The following PALS1 variants were observed in gnomAD, a reference collection of about 807,000 sequenced individuals.
PALS1 encodes protein associated with LIN7 1, MAGUK p55 family member.
PALS1 carries 31 observed loss-of-function variants against 78.9 expected under a neutral mutation model. The ratio of observed to expected loss-of-function variants is 0.39; its 90% CI spans 0.30 to 0.53. PALS1 has a LOEUF of 0.53. PALS1 is among the 20% of genes least tolerant of loss of function. The pLI, the probability that PALS1 is intolerant of heterozygous loss-of-function variation, is 0.67. For missense variants in PALS1, 704 were observed against 826.5 expected (o/e 0.85, Z 1.82); for synonymous variants, 276 against 270.9 (o/e 1.02, Z -0.18).
At chr14:67,309,177 G>C (rs1312756805) in intron 8 of PALS1, among the ~76,000 whole-genome samples, 1 of 152,082 alleles carries the variant, frequency 6.6e-6, no homozygotes, top group Non-Finnish European at 1.5e-5. Context: ...TTTCCTATGA[G>C]GGTCAGCTTA....
chr14:67,280,248 A>ACCAGTTC, intron 3 of PALS1, among the ~76,000 whole-genome samples: 1 of 152,218 alleles, frequency 6.6e-6, no homozygotes, highest in African/African-American at 2.4e-5. Context: ...AACTTAGAAT[A>ACCAGTTC]TTTAATCATT....
intron 4 of PALS1, among the ~76,000 whole-genome samples, chr14:67,299,396 T>A (rs1358625196): frequency 2.0e-5 from 3 of 152,212 alleles, no homozygotes; most frequent in Non-Finnish European, 4.4e-5. Flanking sequence ...TCCATTCTTT[T>A]ACTTCCTTCC....
intron 1 of PALS1, among the ~76,000 whole-genome samples, chr14:67,246,658 T>G (rs1567496903): frequency 6.7e-6 from 1 of 148,264 alleles, no homozygotes; most frequent in African/African-American, 2.5e-5. Flanking sequence ...GGTTTTTTTT[T>G]TTTTTTTTTT....
intron 2 of PALS1, among the ~76,000 whole-genome samples, chr14:67,274,204 A>G (rs905353253): frequency 1.2e-4 from 19 of 152,164 alleles, no homozygotes; most frequent in Admixed American, 1.1e-3. Flanking sequence ...GCCCATGCCT[A>G]TGTCCTGAAT....
intron 2 of PALS1, among the ~76,000 whole-genome samples, chr14:67,278,499 C>G (rs1041047122): frequency 6.6e-6 from 1 of 152,118 alleles, no homozygotes; most frequent in Non-Finnish European, 1.5e-5. Context: ...GATGAATTAT[C>G]CCCCAGAATA....
chr14:67,257,303 T>C (rs1426582240), intron 1 of PALS1, among the ~76,000 whole-genome samples: 1 of 152,168 alleles, frequency 6.6e-6, no homozygotes, highest in Non-Finnish European at 1.5e-5. Flanking sequence ...GACTGAGTTC[T>C]GTCTGTCCTT....
chr14:67,321,294 A>G, intron 13 of PALS1, 35 bp downstream of exon 13: 1 of 1,600,440 alleles, frequency 6.2e-7, no homozygotes, highest in Non-Finnish European at 8.6e-7. Context: ...GTTTGAACTT[A>G]GAAGGAATGT....
At chr14:67,330,552 G>A (rs773042032) in intron 14 of PALS1, among the ~76,000 whole-genome samples, 5 of 148,802 alleles carry the variant, frequency 3.4e-5, no homozygotes, top group Non-Finnish European at 7.4e-5. Context: ...TCTGCCTCCC[G>A]GGTTCAAGCA....
chr14:67,295,414 C>T (rs754961283), intron 4 of PALS1, among the ~76,000 whole-genome samples: 39 of 150,492 alleles, frequency 2.6e-4, no homozygotes, highest in Non-Finnish European at 4.1e-4. Flanking sequence ...CACTTAAACC[C>T]GGGAGGCAAA....
intron 1 of PALS1, among the ~76,000 whole-genome samples, chr14:67,263,501 C>T (rs531237662): frequency 1.3e-5 from 2 of 152,272 alleles, no homozygotes; most frequent in Admixed American, 6.5e-5. Flanking sequence ...TAGGAAGGTA[C>T]CCTTCGAAAC....
chr14:67,298,963 A>G (rs944319333), intron 4 of PALS1, among the ~76,000 whole-genome samples: 1 of 152,208 alleles, frequency 6.6e-6, no homozygotes, highest in East Asian at 1.9e-4. Context: ...TTTGCTTAGT[A>G]TAATGTTTTT....
intron 1 of PALS1, among the ~76,000 whole-genome samples, chr14:67,263,991 G>A (rs1416324108): frequency 6.6e-6 from 1 of 152,042 alleles, no homozygotes; most frequent in Admixed American, 6.5e-5. Context: ...GTGAACTCCT[G>A]GGCTTAAGTG....
intron 14 of PALS1, 88 bp from the exon 15 acceptor site, chr14:67,332,692 G>A (rs2085468290): frequency 3.0e-6 from 4 of 1,321,296 alleles, no homozygotes; most frequent in Non-Finnish European, 2.1e-6. Context: ...TATGAAGGTC[G>A]CTCCTTGTTC....
chr14:67,321,133 A>G lies in PALS1; in HGVS notation c.1614A>G (p.Ala538=), dbSNP rs199686965. Reference sequence around the variant, plus strand: ...TTGTTTCGCGGCAAGCATTCGAGGCAGACATAGCAGCTGGAAAGTTCATTG... The same window carrying G: ...TTGTTTCGCGGCAAGCATTCGAGGCGGACATAGCAGCTGGAAAGTTCATTG... ...YHFVSRQAFE[A]DIAAGKFIEH... The change falls in exon 13 of 15, where the codon GCA becomes GCG. Residue 538 remains alanine, a synonymous_variant. Coordinates refer to ENST00000261681, the MANE Select transcript of PALS1 (RefSeq NM_022474.4). 13 of 1,614,112 alleles carry G rather than the reference A, an allele frequency of 8.1e-6. No homozygotes were observed. The highest frequency in any genetic ancestry group is 1.0e-5 in the Non-Finnish European group (12 of 1,180,052).
At chr14:67,287,901 T>C (rs1293633985) in intron 3 of PALS1, among the ~76,000 whole-genome samples, 3 of 152,168 alleles carry the variant, frequency 2.0e-5, no homozygotes, top group Admixed American at 2.0e-4. Flanking sequence ...CTTTGGTACA[T>C]AGGAGAGATT....
intron 13 of PALS1, among the ~76,000 whole-genome samples, chr14:67,322,766 A>AC (rs58467397): frequency 0.15 from 23,545 of 152,180 alleles, 3,434 homozygotes; most frequent in East Asian, 0.42. Flanking sequence ...TTAACAAAGA[A>AC]CTCAGCATAT....
At position 67,334,851 on chromosome 14, in the gene PALS1, T is replaced by G. The variant is rs542910977; in HGVS notation, c.*1895T>G. 6.6e-6 allele frequency: 1 copy of G among 152,248 alleles called. No individual in the cohort carries two copies. The highest frequency in any genetic ancestry group is 1.5e-5 in the Non-Finnish European group (1 of 68,032). 9.4% of individuals were successfully genotyped at this position (152,248 alleles called of 1,614,324 possible). A position where few individuals can be genotyped will look rare whatever the true frequency, so the allele number is the denominator to read the frequency against. On this transcript the variant is annotated 3_prime_UTR_variant, in exon 15 of 15. Coordinates refer to ENST00000261681, the MANE Select transcript of PALS1 (RefSeq NM_022474.4). ...AGTTTTCCAGTTTACGTCTCAGGAATGAAGTGTAGTCTATGGTTGACAATG... is the reference window on the plus strand; with the variant it reads ...AGTTTTCCAGTTTACGTCTCAGGAAGGAAGTGTAGTCTATGGTTGACAATG...
At position 67,312,644 on chromosome 14, in the gene PALS1, C is replaced by G; in HGVS notation, c.1159C>G (p.Pro387Ala). The G allele has an allele frequency of 6.2e-7, 1 of 1,613,168 alleles. No homozygotes were observed. The highest frequency in any genetic ancestry group is 1.1e-5 in the South Asian group (1 of 90,934). ...ACTTCATGTGATCAGTCAAGAAGAT[C>G]CAAACTGGTGGCAGGCCTACAGGGA... ...DILHVISQED[P>A]NWWQAYREGD... Residue 387 changes from proline to alanine, a missense_variant, in exon 9 of 15, where the codon CCA becomes GCA. By Grantham distance (27) the Pro-to-Ala change is conservative. Coordinates refer to ENST00000261681, the MANE Select transcript of PALS1 (RefSeq NM_022474.4).
chr14:67,318,945 C>T (rs1055845989), intron 11 of PALS1, among the ~76,000 whole-genome samples: 5 of 151,846 alleles, frequency 3.3e-5, no homozygotes, highest in Non-Finnish European at 7.4e-5. Flanking sequence ...GTAGTCCCAG[C>T]TATTCGGGAG....
Sources: allele counts gnomAD v4.1 joint callset (sites outside exome capture counted in the v4.1 genomes callset), GRCh38; gene constraint gnomAD v4.1.1; transcripts MANE v1.5; gene names NCBI Gene and HGNC (gene_info 2026-07-23, HGNC 2026-07-21).